The following KHDRBS3 variants were observed in gnomAD, a reference collection of about 807,000 sequenced individuals.
The protein encoded by KHDRBS3 is KH domain-containing, RNA-binding, signal transduction-associated protein 3.
In KHDRBS3, 23 loss-of-function variants were observed where a neutral mutation model predicts 45.6. That is an observed-to-expected ratio of 0.50 (90% CI 0.36 to 0.72). The LOEUF is 0.72. Among genes scored for constraint, KHDRBS3 ranks in the 30% least tolerant of loss-of-function variants. KHDRBS3 has a pLI of 0.00. For synonymous variants in KHDRBS3, 162 were observed against 156.5 expected (o/e 1.04, Z -0.26); for missense variants, 352 against 424.8 (o/e 0.83, Z 1.51).
At position 135,652,815 on chromosome 8, in the gene KHDRBS3, C is replaced by T. The variant is rs185155158; in HGVS notation, c.*118-3411C>T. 8.5e-5 allele frequency among the ~76,000 whole-genome samples: 13 copies of T among 152,278 alleles called. No individual in the cohort carries two copies. In the East Asian group the frequency reaches 2.5e-3, roughly 29 times the overall value. ...GGCTGTTTACCCTCCTTTCCTCCCACCAGATTGTAAATATCTTTAGGGCAA... is the reference window on the plus strand; with the variant it reads ...GGCTGTTTACCCTCCTTTCCTCCCATCAGATTGTAAATATCTTTAGGGCAA... On this transcript the variant is annotated intron_variant and NMD_transcript_variant, in intron 4 of 4. Transcript: ENST00000521461.
intron 3 of KHDRBS3, among the ~76,000 whole-genome samples, chr8:135,546,192 G>A (rs182492007): frequency 1.1e-4 from 16 of 151,614 alleles, no homozygotes; most frequent in Non-Finnish European, 1.6e-4. Context: ...CCCATCTGCT[G>A]TATTATAATC....
intron 7 of KHDRBS3, chr8:135,625,723 C>T (rs1256979404): frequency 2.6e-6 from 2 of 763,062 alleles, no homozygotes; most frequent in South Asian, 1.4e-5. Context: ...ATTTTGTCAA[C>T]ACCCATCCTC....
At chr8:135,630,053 G>A (rs985188040) in intron 7 of KHDRBS3, among the ~76,000 whole-genome samples, 2 of 152,200 alleles carry the variant, frequency 1.3e-5, no homozygotes, top group Non-Finnish European at 2.9e-5. Context: ...CATTTACAGC[G>A]ACATGATCTG....
At chr8:135,549,718 G>A (rs1025692093) in intron 4 of KHDRBS3, 1 of 152,200 alleles carries the variant, frequency 6.6e-6, no homozygotes, top group African/African-American at 2.4e-5. Context: ...TAGTTCTCTG[G>A]ATAAGACTGT....
At chr8:135,531,423 C>CA (rs11381875) in intron 2 of KHDRBS3, among the ~76,000 whole-genome samples, 120,282 of 151,252 alleles carry the variant, frequency 0.8, 48,254 homozygotes, top group East Asian at 0.96. Flanking sequence ...TCTGCAACAA[C>CA]AAAAAAAATC....
chr8:135,593,596 C>G (rs1020867659), intron 6 of KHDRBS3, among the ~76,000 whole-genome samples: 26 of 152,086 alleles, frequency 1.7e-4, no homozygotes, highest in African/African-American at 6.3e-4. Flanking sequence ...TCCTGCCTCA[C>G]CATTCTGAGT....
intron 7 of KHDRBS3, among the ~76,000 whole-genome samples, chr8:135,618,473 A>C (rs542286110): frequency 2.0e-5 from 3 of 152,240 alleles, no homozygotes; most frequent in African/African-American, 4.8e-5. Context: ...AATGGTTTAC[A>C]TACTAATAAG....
At chr8:135,533,032 AT>A (rs1429168398) in intron 2 of KHDRBS3, among the ~76,000 whole-genome samples, 1 of 152,140 alleles carries the variant, frequency 6.6e-6, no homozygotes, top group Non-Finnish European at 1.5e-5. Context: ...ACAGTTCTCG[AT>A]TTACATTGGT....
intron 1 of KHDRBS3, among the ~76,000 whole-genome samples, chr8:135,477,224 T>C (rs565583758): frequency 4.3e-4 from 66 of 152,266 alleles, no homozygotes; most frequent in African/African-American, 1.6e-3. Flanking sequence ...TTGTAGATAA[T>C]AAAACTAAGC....
Position 135,548,594 on chromosome 8 carries a change from T to C in KHDRBS3, c.325-160T>C, listed in dbSNP as rs564328493. On this transcript the variant is annotated intron_variant, in intron 3 of 8. Transcript: ENST00000355849. ...CCTGGGAATATCAGGATCACATTTA[T>C]AGCTTAAACCTTCTTTTTTAGAGTA... is the stretch of plus-strand genomic sequence containing the variant. Among the ~76,000 whole-genome samples the C allele has an allele frequency of 2.0e-4, 30 of 152,356 alleles. 1 individual carries two copies. The highest frequency in any genetic ancestry group is 1.9e-3 in the South Asian group (9 of 4,826).
At chr8:135,632,121 T>C (rs540505017) in intron 7 of KHDRBS3, among the ~76,000 whole-genome samples, 2 of 152,352 alleles carry the variant, frequency 1.3e-5, no homozygotes, top group South Asian at 2.1e-4. Context: ...AAAAGTTGTC[T>C]CAACTCGCTG....
chr8:135,642,608 G>A (rs1312278882), intron 7 of KHDRBS3, among the ~76,000 whole-genome samples: 1 of 152,108 alleles, frequency 6.6e-6, no homozygotes, highest in Non-Finnish European at 1.5e-5. Flanking sequence ...AATGTGTTAA[G>A]CCAGCGGAGC....
intron 1 of KHDRBS3, among the ~76,000 whole-genome samples, chr8:135,473,036 G>GT (rs5895311): frequency 1.1e-3 from 154 of 142,526 alleles, no homozygotes; most frequent in Middle Eastern, 3.5e-3. Context: ...TATTTGAAAA[G>GT]TTTTTTTTTT....
chr8:135,468,020 CCT>C (rs1301412662), intron 1 of KHDRBS3, among the ~76,000 whole-genome samples: 5 of 152,096 alleles, frequency 3.3e-5, no homozygotes, highest in African/African-American at 1.2e-4. Flanking sequence ...CTTCTTTCTC[CCT>C]CTTTCTCTTT....
At chr8:135,592,507 ACT>A (rs1828792151) in intron 6 of KHDRBS3, among the ~76,000 whole-genome samples, 1 of 152,174 alleles carries the variant, frequency 6.6e-6, no homozygotes, top group Non-Finnish European at 1.5e-5. Context: ...GTTATAATGG[ACT>A]ATCTGCAAGA....
intron 7 of KHDRBS3, among the ~76,000 whole-genome samples, chr8:135,613,802 A>G (rs1157292085): frequency 6.6e-6 from 1 of 151,662 alleles, no homozygotes; most frequent in Non-Finnish European, 1.5e-5. Context: ...TGAGTAAGAC[A>G]GCAAGGCGGC....
chr8:135,578,110 GT>G (rs1828032182), intron 5 of KHDRBS3, among the ~76,000 whole-genome samples: 1 of 152,054 alleles, frequency 6.6e-6, no homozygotes, highest in East Asian at 1.9e-4. Flanking sequence ...AGTTATAAAA[GT>G]TTTTTCTGTG....
rs537933004 is a variant in KHDRBS3 at position 135,473,939 on chromosome 8, C to T, written c.88+15985C>T. ...TCCATGAGAATGGCCACCATTCTTG[C>T]TTGCTGCTGCTGATGTTGCAGTTTT... is the stretch of plus-strand genomic sequence containing the variant. On this transcript the variant is annotated intron_variant, in intron 1 of 8. Transcript: ENST00000355849. Among the ~76,000 whole-genome samples the T allele has an allele frequency of 5.3e-5, 8 of 152,052 alleles. No individual in the cohort carries two copies. The South Asian group carries it at 1.5e-3, about 28-fold the overall frequency.
intron 5 of KHDRBS3, among the ~76,000 whole-genome samples, chr8:135,568,277 A>G (rs1006533247): frequency 6.6e-6 from 1 of 152,224 alleles, no homozygotes; most frequent in African/African-American, 2.4e-5. Flanking sequence ...ATTGGCTGCT[A>G]AAACTGAATT....
Sources: gnomAD v4.1 joint callset for allele counts (sites outside exome capture counted in the v4.1 genomes callset) on GRCh38, gnomAD v4.1.1 for gene constraint, MANE v1.5 for transcripts, NCBI Gene and HGNC (gene_info 2026-07-23, HGNC 2026-07-21) for gene names.